The following JARID2 variants were observed in gnomAD, a reference collection of about 807,000 sequenced individuals.
JARID2 encodes protein Jumonji.
JARID2 carries 21 observed loss-of-function variants against 125.6 expected under a neutral mutation model. The ratio of observed to expected loss-of-function variants is 0.17; its 90% CI spans 0.12 to 0.24. The LOEUF (loss-of-function observed/expected upper bound fraction) is 0.24, where lower values mean the gene tolerates loss of function less well. Among genes scored for constraint, JARID2 ranks in the 10% least tolerant of loss-of-function variants. The pLI is 1.00. For missense variants in JARID2, 1,303 were observed against 1,639.6 expected, an observed-to-expected ratio of 0.79 and a Z score of 3.55; for synonymous variants, 736 against 661.6, an observed-to-expected ratio of 1.11 and a Z score of -1.73.
intron 1 of JARID2, among the ~76,000 whole-genome samples, chr6:15,332,930 C>CTTTTTTTT (rs1319288795): frequency 3.9e-4 from 32 of 82,814 alleles, no homozygotes; most frequent in African/African-American, 8.5e-4. Flanking sequence ...CTTTTCTTTT[C>CTTTTTTTT]TTTTCTTTTT....
intron 6 of JARID2, among the ~76,000 whole-genome samples, chr6:15,488,840 C>T (rs1358459133): frequency 6.6e-6 from 1 of 152,138 alleles, no homozygotes; most frequent in Non-Finnish European, 1.5e-5. Flanking sequence ...CACTGTTGGC[C>T]AAAACAGACC....
At position 15,507,069 on chromosome 6, in the gene JARID2, G is replaced by C. The variant is rs1771040428; in HGVS notation, c.2542-67G>C. 5.0e-6 allele frequency: 5 copies of C among 993,406 alleles called. No homozygotes were observed. In the Admixed American group the frequency reaches 8.6e-5, roughly 17 times the overall value. 61.5% of individuals were successfully genotyped at this position (993,406 alleles called of 1,614,324 possible). ...AGGCATTCGTGTCCCAGTTTTGTTG[G>C]GTTGAACTGTGCTCTGTGGCTGCAG... On this transcript the variant is annotated intron_variant, in intron 9 of 17. Coordinates refer to ENST00000341776, the MANE Select transcript of JARID2 (RefSeq NM_004973.4).
chr6:15,452,085 C>A lies in JARID2; in HGVS notation c.403C>A (p.Pro135Thr), dbSNP rs763123477. 5.0e-6 allele frequency: 8 copies of A among 1,614,012 alleles called. No individual in the cohort carries two copies. In the South Asian group the frequency reaches 8.8e-5, roughly 18 times the overall value. The change falls in exon 4 of 18, where the codon CCA (proline) becomes ACA (threonine). Residue 135 changes from proline (P) to threonine (T), a missense_variant. This residue lies in a region of JARID2 where 42 missense variants were observed against 35.7 expected (regional missense o/e 1.18). Transcript: ENST00000341776. ...PSTTPVKIVE[P>T]LLPPPATQIS... ...CACAACTCCAGTAAAGATAGTGGAG[C>A]CATTGCTACCCCCTCCAGCTACTCA...
At chr6:15,310,405 T>A (rs942812531) in intron 1 of JARID2, among the ~76,000 whole-genome samples, 1 of 152,234 alleles carries the variant, frequency 6.6e-6, no homozygotes, top group Non-Finnish European at 1.5e-5. Flanking sequence ...ATAGCATTAA[T>A]ACATCACCCT....
At chr6:15,445,471 G>T (rs1249092956) in intron 3 of JARID2, among the ~76,000 whole-genome samples, 2 of 152,228 alleles carry the variant, frequency 1.3e-5, no homozygotes, top group African/African-American at 2.4e-5. Context: ...GCAAGTGAGA[G>T]GTGGCTGTGG....
chr6:15,318,749 G>A (rs1301825112), intron 1 of JARID2, among the ~76,000 whole-genome samples: 1 of 152,202 alleles, frequency 6.6e-6, no homozygotes, highest in Non-Finnish European at 1.5e-5. Context: ...GGTGGGAAAG[G>A]CAACAAAAGC....
rs112181660 is a variant in JARID2, at chr6:15,336,065, A to G, written c.46-38052A>G. ...GTGCCACTGCACTCCAGTCTGGGTG[A>G]CAGAGACCCGTCTCCAAGGGTGAAT... On this transcript the variant is annotated intron_variant, in intron 1 of 17. Coordinates refer to ENST00000341776, the MANE Select transcript of JARID2 (RefSeq NM_004973.4). Among the ~76,000 whole-genome samples the G allele has an allele frequency of 2.2e-3, 330 of 151,578 alleles. 1 individual carries two copies. The highest frequency in any genetic ancestry group is 3.9e-3 in the Non-Finnish European group (264 of 67,954).
rs60218567 is a variant in JARID2, at chr6:15,494,413, C to CTTTT, written c.907-1702_907-1699dup. 2.2e-3 allele frequency among the ~76,000 whole-genome samples: 180 copies of CTTTT among 80,572 alleles called. 22 individuals are homozygous for CTTTT. The highest frequency in any genetic ancestry group is 0.026 in the Middle Eastern group (2 of 76). 52.9% of individuals were successfully genotyped at this position (80,572 alleles called of 152,430 possible). On this transcript the variant is annotated intron_variant, in intron 6 of 17. Transcript: ENST00000341776. ...ACTGGTTTGGATGTTTTTGGCAAGT[C>CTTTT]TTTTTTTTTTTTTTTTTTTTGAGAC...
chr6:15,364,379 C>T (rs1194862053), intron 1 of JARID2, among the ~76,000 whole-genome samples: 1 of 152,134 alleles, frequency 6.6e-6, no homozygotes, highest in Non-Finnish European at 1.5e-5. Context: ...GCCTCAATCC[C>T]GGAGGCTTTA....
At chr6:15,396,620 A>C (rs999955378) in intron 2 of JARID2, among the ~76,000 whole-genome samples, 1 of 152,228 alleles carries the variant, frequency 6.6e-6, no homozygotes, top group African/African-American at 2.4e-5. Flanking sequence ...AATACTGTAC[A>C]GTGCAGAGCA....
At chr6:15,344,804 G>C (rs1316328904) in intron 1 of JARID2, among the ~76,000 whole-genome samples, 1 of 152,006 alleles carries the variant, frequency 6.6e-6, no homozygotes, top group Non-Finnish European at 1.5e-5. Context: ...CAACTGAAAT[G>C]TAATTTTATT....
In JARID2 at chr6:15,246,327, T is replaced by G; in HGVS notation, c.-213T>G. Reference sequence around the variant, plus strand: ...CTAAAGTGAATTTTTTTTTGTTTGCTTCGTTCGTCTTTGGCTCTTTTTTTT... The same window carrying G: ...CTAAAGTGAATTTTTTTTTGTTTGCGTCGTTCGTCTTTGGCTCTTTTTTTT... On this transcript the variant is annotated 5_prime_UTR_variant, in exon 1 of 18. Transcript: ENST00000341776. 1 of 565,648 alleles carries G rather than the reference T, an allele frequency of 1.8e-6. No homozygotes were observed. The highest frequency in any genetic ancestry group is 3.1e-6 in the Non-Finnish European group (1 of 321,684). The allele number at this position is 565,648 out of a possible 1,614,324, so 35.0% of individuals were successfully genotyped here.
intron 4 of JARID2, among the ~76,000 whole-genome samples, chr6:15,462,934 T>C (rs894173645): frequency 6.6e-6 from 1 of 152,238 alleles, no homozygotes; most frequent in Non-Finnish European, 1.5e-5. Flanking sequence ...AGTTTGATTT[T>C]TGTCCAGATG....
At chr6:15,472,654 A>G (rs1419943239) in intron 5 of JARID2, among the ~76,000 whole-genome samples, 7 of 152,206 alleles carry the variant, frequency 4.6e-5, no homozygotes, top group Non-Finnish European at 1.0e-4. Context: ...CCTGAACTTC[A>G]GGGGAAGTTT....
At chr6:15,451,330 C>G (rs114345210) in intron 3 of JARID2, among the ~76,000 whole-genome samples, 5 of 152,164 alleles carry the variant, frequency 3.3e-5, no homozygotes, top group South Asian at 4.1e-4. Flanking sequence ...TAGATTAGGG[C>G]TATTTTCTGT....
intron 5 of JARID2, among the ~76,000 whole-genome samples, chr6:15,471,764 G>C (rs925009372): frequency 6.6e-5 from 10 of 152,120 alleles, no homozygotes; most frequent in African/African-American, 2.4e-4. Flanking sequence ...CTATCTGGCA[G>C]CATGTTACAT....
intron 4 of JARID2, among the ~76,000 whole-genome samples, chr6:15,461,600 A>G (rs1184254794): frequency 2.6e-5 from 4 of 152,200 alleles, no homozygotes; most frequent in Non-Finnish European, 1.5e-5. Flanking sequence ...CTGGTCACCA[A>G]CCAATCTAGT....
chr6:15,433,058 G>C (rs1767036124), intron 3 of JARID2, among the ~76,000 whole-genome samples: 1 of 152,168 alleles, frequency 6.6e-6, no homozygotes, highest in Non-Finnish European at 1.5e-5. Context: ...TGATTCTTTT[G>C]TTGCTGGTTG....
At chr6:15,350,522 T>C (rs1240255078) in intron 1 of JARID2, among the ~76,000 whole-genome samples, 2 of 152,190 alleles carry the variant, frequency 1.3e-5, no homozygotes, top group Admixed American at 1.3e-4. Context: ...GTGCTCGGTA[T>C]TCACATTTTA....
Sources: gnomAD v4.1 joint callset for allele counts (sites outside exome capture counted in the v4.1 genomes callset) on GRCh38, gnomAD v4.1.1 for gene constraint, gnomAD v4.1.1 regional missense constraint, MANE v1.5 for transcripts, NCBI Gene and HGNC (gene_info 2026-07-23, HGNC 2026-07-21) for gene names.